CHRNA10: variants seen among roughly 807,000 people sequenced by gnomAD.
CHRNA10 encodes the protein neuronal acetylcholine receptor subunit alpha-10.
Under a neutral mutation model 36.0 loss-of-function variants are expected in CHRNA10, and 31 were observed. The observed-to-expected ratio is 0.86, with a 90% CI of 0.65 to 1.16. The LOEUF is 1.16. Among genes scored for constraint, CHRNA10 ranks in the 50% most tolerant of loss-of-function variants. The probability of loss-of-function intolerance (pLI) is 0.00; values close to 1 mark genes in which losing one functional copy is unlikely to be tolerated. For synonymous variants in CHRNA10, 302 were observed against 287.0 expected (o/e 1.05, Z -0.53); for missense variants, 648 against 640.9 (o/e 1.01, Z -0.12).
At chr11:3,671,033 T>C in intron 1 of CHRNA10, 1 of 585,840 alleles carries the variant, frequency 1.7e-6, no homozygotes, top group East Asian at 2.8e-5. Flanking sequence ...CCCAGCCCTG[T>C]CTCTGGAAGC....
In CHRNA10 at chr11:3,665,965, G is replaced by C. The variant is rs999054167; in HGVS notation, c.*142C>G. ...TGTAGACAATGAGTGCTCCCTTGTG[G>C]ATTGTGAAGTCAAGTGTCTCAGGAT... On this transcript the variant is annotated 3_prime_UTR_variant, in exon 5 of 5. Transcript: ENST00000250699. 1.5e-6 allele frequency: 1 copy of C among 676,640 alleles called. No homozygotes were observed. The highest frequency in any genetic ancestry group is 1.8e-5 in the African/African-American group (1 of 55,278). The allele number at this position is 676,640 out of a possible 1,614,324, so 41.9% of individuals were successfully genotyped here. A position where few individuals can be genotyped will look rare whatever the true frequency, so the allele number is the denominator to read the frequency against.
chr11:3,666,019 G>T lies in CHRNA10; in HGVS notation c.*88C>A. On this transcript the variant is annotated 3_prime_UTR_variant, in exon 5 of 5. Coordinates refer to ENST00000250699, the MANE Select transcript of CHRNA10 (RefSeq NM_020402.4). ...AGGAGCAGTGGGGAGAGACTGGCTGGCCCAAAGACCAGCAACCACTTGGCC... is the reference window on the plus strand; with the variant it reads ...AGGAGCAGTGGGGAGAGACTGGCTGTCCCAAAGACCAGCAACCACTTGGCC... 1 of 1,185,142 alleles carries T rather than the reference G, an allele frequency of 8.4e-7. No homozygotes were observed. The highest frequency in any genetic ancestry group is 1.2e-6 in the Non-Finnish European group (1 of 861,950). The allele number at this position is 1,185,142 out of a possible 1,614,324, so 73.4% of individuals were successfully genotyped here. A position where few individuals can be genotyped will look rare whatever the true frequency, so the allele number is the denominator to read the frequency against.
At chr11:3,668,870 A>G (rs1053659361) in intron 3 of CHRNA10, 5 of 224,948 alleles carry the variant, frequency 2.2e-5, no homozygotes, top group Non-Finnish European at 3.5e-5. Context: ...TGGAGGAAAG[A>G]GACCCTTACA....
rs778807770 is a variant in CHRNA10 at position 3,671,338 on chromosome 11, C to T, written c.-26G>A. The T allele has an allele frequency of 6.2e-7, 1 of 1,613,534 alleles. No homozygotes were observed. The highest frequency in any genetic ancestry group is 8.5e-7 in the Non-Finnish European group (1 of 1,179,660). On this transcript the variant is annotated 5_prime_UTR_variant, in exon 1 of 5. Coordinates refer to ENST00000250699, the MANE Select transcript of CHRNA10 (RefSeq NM_020402.4). ...GGCCCTGGCACTGCAAGAGCGGGGG[C>T]AGGTCTCTGGATGTGAGGCCTCCTG... is the stretch of plus-strand genomic sequence containing the variant.
Position 3,671,357 on chromosome 11 carries a change from C to T in CHRNA10, c.-45G>A, listed in dbSNP as rs760197176. 3.1e-6 allele frequency: 5 copies of T among 1,607,142 alleles called. No homozygotes were observed. Among genetic ancestry groups the T allele is most frequent in the Non-Finnish European group, 4.3e-6 (5 of 1,174,464 alleles). The stretch of plus-strand genomic sequence containing the variant: ...CGGGGGCAGGTCTCTGGATGTGAGG[C>T]CTCCTGGCCAGACCTAGGGCAAAAT... On this transcript the variant is annotated 5_prime_UTR_variant, in exon 1 of 5. Coordinates refer to ENST00000250699, the MANE Select transcript of CHRNA10 (RefSeq NM_020402.4).
rs373381459 is a variant in CHRNA10, at chr11:3,671,333, G to T, written c.-21C>A. 6.2e-7 allele frequency: 1 copy of T among 1,613,234 alleles called. No individual in the cohort carries two copies. Among genetic ancestry groups the T allele is most frequent in the Non-Finnish European group, 8.5e-7 (1 of 1,179,354 alleles). On this transcript the variant is annotated 5_prime_UTR_variant, in exon 1 of 5. Transcript: ENST00000250699. ...CCCATGGCCCTGGCACTGCAAGAGCGGGGGCAGGTCTCTGGATGTGAGGCC... is the reference window on the plus strand; with the variant it reads ...CCCATGGCCCTGGCACTGCAAGAGCTGGGGCAGGTCTCTGGATGTGAGGCC...
At position 3,669,289 on chromosome 11, in the gene CHRNA10, T is replaced by A. The variant is rs1480138345; in HGVS notation, c.269A>T (p.Tyr90Phe). 6.2e-7 allele frequency: 1 copy of A among 1,614,002 alleles called. No homozygotes were observed. The highest frequency in any genetic ancestry group is 8.5e-7 in the Non-Finnish European group (1 of 1,179,968). Residue 90 changes from tyrosine (Y) to phenylalanine (F), a missense_variant, in exon 3 of 5, where the codon TAC becomes TTC. Tyr to Phe is a conservative substitution (Grantham distance 22). Transcript: ENST00000250699. The part of the protein sequence containing the change: ...LWIRQEWTDA[Y>F]LRWDPNAYGG... ...ATAGGCATTGGGGTCCCATCGTAGG[T>A]AGGCATCTGTCCACTCCTGCCGTAT...
intron 3 of CHRNA10, chr11:3,668,980 G>A (rs950750262): frequency 1.5e-5 from 8 of 541,642 alleles, no homozygotes; most frequent in African/African-American, 1.1e-4. Flanking sequence ...AGTAGGTTCC[G>A]AGGAGACGTT....
Position 3,666,099 on chromosome 11 carries a change from C to T in CHRNA10, c.*8G>A, listed in dbSNP as rs766499918. 6.5e-7 allele frequency: 1 copy of T among 1,530,286 alleles called. No homozygotes were observed. Among genetic ancestry groups the T allele is most frequent in the Non-Finnish European group, 8.8e-7 (1 of 1,139,790 alleles). The allele number at this position is 1,530,286 out of a possible 1,614,324, so 94.8% of individuals were successfully genotyped here. On this transcript the variant is annotated 3_prime_UTR_variant, in exon 5 of 5. Coordinates refer to ENST00000250699, the MANE Select transcript of CHRNA10 (RefSeq NM_020402.4). ...CTGCAGCAGATCCCTGTGACTTAGT[C>T]CCAGCCCTCACAGGGCCTGCACCAG...
In CHRNA10 at chr11:3,669,301, C is replaced by T. The variant is rs777186091; in HGVS notation, c.257G>A (p.Trp86Ter). The T allele has an allele frequency of 1.2e-6, 2 of 1,614,068 alleles. No individual in the cohort carries two copies. The highest frequency in any genetic ancestry group is 1.3e-5 in the African/African-American group (1 of 75,030). The change falls in exon 3 of 5, where the codon TGG becomes TAG. Residue 86 changes from tryptophan (W) to a stop codon, truncating the protein, a stop_gained. Transcript: ENST00000250699. LOFTEE classifies it high-confidence loss of function. ...LTLYLWIRQE[W>*]TDAYLRWDPN... ...GTCCCATCGTAGGTAGGCATCTGTC[C>T]ACTCCTGCCGTATCCACAGATACAG...
At chr11:3,670,614 C>T (rs2077706487) in intron 1 of CHRNA10, among the ~76,000 whole-genome samples, 1 of 152,206 alleles carries the variant, frequency 6.6e-6, no homozygotes, top group African/African-American at 2.4e-5. Flanking sequence ...GCTCTGAAAC[C>T]TGCTTCCTAT....
Position 3,667,374 on chromosome 11 carries a change from C to T in CHRNA10, c.753G>A (p.Ser251=), listed in dbSNP as rs770133301. Residue 251 remains serine (S), a synonymous_variant, in exon 4 of 5, where the codon TCG becomes TCA. Coordinates refer to ENST00000250699, the MANE Select transcript of CHRNA10 (RefSeq NM_020402.4). ...GGTGGAAGGCGAGCGGCGCAAGCAG[C>T]GAGATGAGCACGCAGGGCAGCAGCA... ...CNLLLPCVLI[S]LLAPLAFHLP... 2 of 1,601,604 alleles carry T rather than the reference C, an allele frequency of 1.2e-6. No homozygotes were observed. The highest frequency in any genetic ancestry group is 1.1e-5 in the South Asian group (1 of 90,928).
Position 3,669,929 on chromosome 11 carries a change from G to A in CHRNA10, c.74C>T (p.Ala25Val). 6.2e-7 allele frequency: 1 copy of A among 1,614,182 alleles called. No homozygotes were observed. The highest frequency in any genetic ancestry group is 8.5e-7 in the Non-Finnish European group (1 of 1,180,042). Reference protein sequence around the residue: ...LFLLPAECLGAEGRLALKLFR... With the variant: ...LFLLPAECLGVEGRLALKLFR... Reference sequence around the variant, plus strand: ...CAGCTTGAGAGCCAGCCGGCCCTCAGCTCCCAGGCACTCTGGAGGGTCAGT... The same window carrying A: ...CAGCTTGAGAGCCAGCCGGCCCTCAACTCCCAGGCACTCTGGAGGGTCAGT... The change falls in exon 2 of 5, where the codon GCT (alanine) becomes GTT (valine). Residue 25 changes from alanine (A) to valine (V), a missense_variant. Ala to Val is a moderately conservative substitution (Grantham distance 64). Transcript: ENST00000250699.
chr11:3,669,508 G>A (rs1035043350), intron 2 of CHRNA10, among the ~76,000 whole-genome samples, 158 bp from the exon 3 acceptor site: 1 of 148,122 alleles, frequency 6.8e-6, no homozygotes, highest in Non-Finnish European at 1.5e-5. Flanking sequence ...TGTGACCTTA[G>A]TGGGCTCTTC....
chr11:3,667,831 G>A, intron 3 of CHRNA10, 67 bp from the exon 4 acceptor site: 1 of 1,352,466 alleles, frequency 7.4e-7, no homozygotes, highest in South Asian at 1.6e-5. Context: ...GAGGCCGGGA[G>A]CCCAGGGCAG....
chr11:3,667,210 C>T, intron 4 of CHRNA10, 22 bp downstream of exon 4: 2 of 1,536,496 alleles, frequency 1.3e-6, no homozygotes, highest in Non-Finnish European at 1.7e-6. Context: ...TCGTCAGGTC[C>T]CCCCGCGCCC....
At chr11:3,669,499 G>A in intron 2 of CHRNA10, 149 bp from the exon 3 acceptor site, 1 of 957,094 alleles carries the variant, frequency 1.0e-6, no homozygotes, top group Non-Finnish European at 1.6e-6. Context: ...ACCTTGCCAT[G>A]TGACCTTAGT....
Position 3,667,713 on chromosome 11 carries a change from G to A in CHRNA10, c.414C>T (p.His138=), listed in dbSNP as rs757799127. Reference sequence around the variant, plus strand: ...GCGCGTCCCAGCGCACGGCGCCATCGTGGCGCAGGACCACGTTGGTGCTGG... The same window carrying A: ...GCGCGTCCCAGCGCACGGCGCCATCATGGCGCAGGACCACGTTGGTGCTGG... ...GSASTNVVLR[H]DGAVRWDAPA... The change falls in exon 4 of 5, where the codon CAC becomes CAT. Residue 138 remains histidine (H), a synonymous_variant. Coordinates refer to ENST00000250699, the MANE Select transcript of CHRNA10 (RefSeq NM_020402.4). 2.9e-5 allele frequency: 45 copies of A among 1,574,890 alleles called. 1 individual carries two copies. In the South Asian group the frequency reaches 5.0e-4, roughly 18 times the overall value.
At chr11:3,667,016 T>C (rs1423286673) in intron 4 of CHRNA10, among the ~76,000 whole-genome samples, 1 of 152,198 alleles carries the variant, frequency 6.6e-6, no homozygotes, top group Non-Finnish European at 1.5e-5. Context: ...GATCTGGGGA[T>C]ACTGATGTTC....
Sources: gnomAD v4.1 joint callset for allele counts (sites outside exome capture counted in the v4.1 genomes callset) on GRCh38, gnomAD v4.1.1 for gene constraint, MANE v1.5 for transcripts, NCBI Gene and HGNC (gene_info 2026-07-23, HGNC 2026-07-21) for gene names.